BMPR1B: variants seen among roughly 807,000 people sequenced by gnomAD.
BMPR1B encodes bone morphogenetic protein receptor type-1B.
In BMPR1B, 12 loss-of-function variants were observed where a neutral mutation model predicts 59.1. The observed-to-expected ratio is 0.20, with a 90% confidence interval of 0.13 to 0.33. The LOEUF (loss-of-function observed/expected upper bound fraction) is 0.33. BMPR1B is among the 10% of genes least tolerant of loss of function. The pLI is 1.00. For synonymous variants in BMPR1B, 237 were observed against 207.3 expected (o/e 1.14, Z -1.23); for missense variants, 550 against 610.9 (o/e 0.90, Z 1.05).
intron 2 of BMPR1B, among the ~76,000 whole-genome samples, chr4:94,961,978 T>C (rs1323561528): frequency 2.6e-5 from 4 of 152,160 alleles, no homozygotes; most frequent in African/African-American, 4.8e-5. Context: ...TTTTGAAATA[T>C]ATAATAAATT....
At chr4:94,951,049 A>G (rs1050857793) in intron 2 of BMPR1B, among the ~76,000 whole-genome samples, 2 of 152,130 alleles carry the variant, frequency 1.3e-5, no homozygotes, top group Non-Finnish European at 2.9e-5. Context: ...AGCAATTGTG[A>G]ATGGGAGTTT....
At chr4:95,116,421 G>GCGCGCGCGCACACACACACACACACACA in intron 6 of BMPR1B, among the ~76,000 whole-genome samples, 27 of 123,248 alleles carry the variant, frequency 2.2e-4, no homozygotes, top group African/African-American at 7.9e-4. Context: ...TTCAGCGCGC[G>GCGCGCGCGCACACACACACACACACACA]CACACACACA....
chr4:94,767,321 A>G lies in BMPR1B; in HGVS notation c.-183+9253A>G, dbSNP rs571205009. On this transcript the variant is annotated intron_variant, in intron 1 of 12. Coordinates refer to ENST00000515059, the MANE Select transcript of BMPR1B (RefSeq NM_001203.3). ...AATGATGTACTAATATGTAGGAACA[A>G]ACATTGTCTCTAAATATTTTATCTT... is the stretch of plus-strand genomic sequence containing the variant. 5.3e-5 allele frequency among the ~76,000 whole-genome samples: 8 copies of G among 152,324 alleles called. No homozygotes were observed. In the South Asian group the frequency reaches 1.7e-3, roughly 32 times the overall value.
At chr4:95,095,611 T>C (rs6846028) in intron 3 of BMPR1B, among the ~76,000 whole-genome samples, 74,568 of 151,898 alleles carry the variant, frequency 0.49, 18,651 homozygotes, top group East Asian at 0.69. Context: ...TTTTGTGATA[T>C]TCAAAGAGTT....
Position 95,154,824 on chromosome 4 carries a change from G to C in BMPR1B, c.*151G>C, listed in dbSNP as rs890799553. 2 of 1,080,174 alleles carry C rather than the reference G, an allele frequency of 1.9e-6. No homozygotes were observed. Among genetic ancestry groups the C allele is most frequent in the Non-Finnish European group, 2.7e-6 (2 of 734,450 alleles). 66.9% of individuals were successfully genotyped at this position (1,080,174 alleles called of 1,614,324 possible). A position where few individuals can be genotyped will look rare whatever the true frequency, so the allele number is the denominator to read the frequency against. On this transcript the variant is annotated 3_prime_UTR_variant, in exon 13 of 13. Coordinates refer to ENST00000515059, the MANE Select transcript of BMPR1B (RefSeq NM_001203.3). ...GTTCAGACCTCACCTCTCAGGGAGC[G>C]ACCTGGGCAAAGACAGAGAAGCTCC...
intron 3 of BMPR1B, among the ~76,000 whole-genome samples, chr4:95,040,382 CTTATT>C (rs1006635045): frequency 2.3e-4 from 35 of 152,226 alleles, no homozygotes; most frequent in African/African-American, 8.2e-4. Context: ...TTTCAATTGA[CTTATT>C]TTATATCAGT....
At chr4:94,934,724 A>G (rs1729225210) in intron 2 of BMPR1B, among the ~76,000 whole-genome samples, 1 of 152,144 alleles carries the variant, frequency 6.6e-6, no homozygotes, top group Admixed American at 6.6e-5. Flanking sequence ...CATGGAATTA[A>G]TAGTTTTTTC....
rs1475262875 is a variant in BMPR1B at position 95,114,669 on chromosome 4, C to G, written c.144-51C>G. On this transcript the variant is annotated intron_variant, in intron 4 of 12. Transcript: ENST00000515059. ...AGACACACACACACACACACACACA[C>G]TGACTCACACACACACATTCTGTTT... The G allele has an allele frequency of 2.1e-6, 3 of 1,438,050 alleles. No homozygotes were observed. The South Asian group carries it at 3.4e-5, about 16-fold the overall frequency. 89.1% of individuals were successfully genotyped at this position (1,438,050 alleles called of 1,614,324 possible).
At chr4:95,130,709 T>C (rs1015619575) in intron 9 of BMPR1B, among the ~76,000 whole-genome samples, 20 of 143,440 alleles carry the variant, frequency 1.4e-4, no homozygotes, top group Non-Finnish European at 2.9e-4. Context: ...GTTTTTTTCT[T>C]TTTCTTTTCT....
At chr4:95,074,990 AG>A (rs1728596717) in intron 3 of BMPR1B, among the ~76,000 whole-genome samples, 1 of 152,158 alleles carries the variant, frequency 6.6e-6, no homozygotes, top group African/African-American at 2.4e-5. Flanking sequence ...TTGCAGAAGT[AG>A]GCACTGACCT....
chr4:95,145,489 G>T (rs984423961), intron 10 of BMPR1B, among the ~76,000 whole-genome samples: 1 of 152,178 alleles, frequency 6.6e-6, no homozygotes, highest in African/African-American at 2.4e-5. Flanking sequence ...CTGTTCTCAC[G>T]TGTACCACAC....
chr4:94,993,744 G>C (rs1021327617), intron 2 of BMPR1B, among the ~76,000 whole-genome samples: 5 of 109,210 alleles, frequency 4.6e-5, no homozygotes, highest in African/African-American at 7.3e-5. Flanking sequence ...CTGGGCAACA[G>C]AGCAAGACTC....
chr4:94,950,924 T>G (rs1729908622), intron 2 of BMPR1B, among the ~76,000 whole-genome samples: 2 of 152,192 alleles, frequency 1.3e-5, no homozygotes, highest in African/African-American at 4.8e-5. Context: ...CATGGAATGT[T>G]TTTCCATTTG....
intron 1 of BMPR1B, among the ~76,000 whole-genome samples, chr4:94,829,445 T>C (rs1349487605): frequency 3.3e-5 from 5 of 152,030 alleles, no homozygotes; most frequent in Non-Finnish European, 7.4e-5. Context: ...GGATGATTTT[T>C]GTAGAAACAG....
chr4:94,851,702 A>T (rs779413997), intron 1 of BMPR1B, among the ~76,000 whole-genome samples: 26 of 152,034 alleles, frequency 1.7e-4, no homozygotes, highest in Non-Finnish European at 3.5e-4. Flanking sequence ...TTGAATGATC[A>T]CTTGAAATTT....
At chr4:94,983,334 G>A (rs1721217942) in intron 2 of BMPR1B, among the ~76,000 whole-genome samples, 1 of 151,988 alleles carries the variant, frequency 6.6e-6, no homozygotes, top group Non-Finnish European at 1.5e-5. Flanking sequence ...TACCTGACAC[G>A]CTGCTTCACC....
intron 2 of BMPR1B, among the ~76,000 whole-genome samples, chr4:94,935,022 GAACTTGA>G (rs1729238892): frequency 6.6e-6 from 1 of 152,084 alleles, no homozygotes; most frequent in South Asian, 2.1e-4. Flanking sequence ...AAAAAAATAT[GAACTTGA>G]AACTTGAATG....
At chr4:95,011,767 C>T (rs1723242811) in intron 3 of BMPR1B, among the ~76,000 whole-genome samples, 1 of 152,014 alleles carries the variant, frequency 6.6e-6, no homozygotes, top group Non-Finnish European at 1.5e-5. Flanking sequence ...GGCTGTAATC[C>T]CAGTACTTTG....
At chr4:94,799,053 C>T (rs1279189809) in intron 1 of BMPR1B, among the ~76,000 whole-genome samples, 5 of 150,948 alleles carry the variant, frequency 3.3e-5, no homozygotes, top group African/African-American at 1.2e-4. Context: ...CTTGGATAAC[C>T]CCCATAAAGG....
Sources: gnomAD v4.1 joint callset for allele counts (sites outside exome capture counted in the v4.1 genomes callset) on GRCh38, gnomAD v4.1.1 for gene constraint, MANE v1.5 for transcripts, NCBI Gene and HGNC (gene_info 2026-07-23, HGNC 2026-07-21) for gene names.